Variants in SPTAN1 observed in about 807,000 individuals in gnomAD.
SPTAN1 encodes spectrin alpha chain, non-erythrocytic 1.
In SPTAN1, 61 loss-of-function variants were observed where a neutral mutation model predicts 331.3. That is an observed-to-expected ratio of 0.18 (90% confidence interval 0.15 to 0.23). The LOEUF (loss-of-function observed/expected upper bound fraction) is 0.23. SPTAN1 is among the 10% of genes least tolerant of loss of function. The pLI, the probability that SPTAN1 is intolerant of heterozygous loss-of-function variation, is 1.00. For missense variants in SPTAN1, 2,043 were observed against 3,147.9 expected (o/e 0.65, Z 8.40); for synonymous variants, 1,153 against 1,173.9 (o/e 0.98, Z 0.36).
Position 128,607,948 on chromosome 9 carries a change from G to C in SPTAN1, c.4243G>C (p.Glu1415Gln), listed in dbSNP as rs745697305. Residue 1415 changes from glutamate (E) to glutamine (Q), a missense_variant, in exon 33 of 57, where the codon GAG (glutamate) becomes CAG (glutamine). Around this residue, in one of 12 missense-constraint regions of SPTAN1, gnomAD observed 179 missense variants for 215.7 expected, o/e 0.83. Coordinates refer to ENST00000372739, the MANE Select transcript of SPTAN1 (RefSeq NM_001130438.3). The part of the protein sequence containing the change: ...LLAHGHYASP[E>Q]IKQKLDILDQ... ...GGCTCACGGACACTATGCCAGCCCT[G>C]AGATCAAGCAGAAACTTGATATTCT... The C allele has an allele frequency of 6.8e-6, 11 of 1,613,972 alleles. No homozygotes were observed. In the East Asian group the frequency reaches 1.8e-4, roughly 26 times the overall value.
chr9:128,582,624 T>G, intron 13 of SPTAN1, 68 bp downstream of exon 13: 3 of 1,611,062 alleles, frequency 1.9e-6, no homozygotes, highest in Non-Finnish European at 2.5e-6. Context: ...ATGTTCCAGT[T>G]AAGTCTCTTC....
chr9:128,584,831 A>C lies in SPTAN1; in HGVS notation c.2548A>C (p.Met850Leu), dbSNP rs371776794. ...AGCAGTTACACAGAAGGGGAATGCCATGGTGGAGGAAGGTGAGTGATTGGT... is the reference window on the plus strand; with the variant it reads ...AGCAGTTACACAGAAGGGGAATGCCCTGGTGGAGGAAGGTGAGTGATTGGT... ...IKAVTQKGNAMVEEGHFAAED... is the reference protein window; with the variant it reads ...IKAVTQKGNALVEEGHFAAED... The change falls in exon 18 of 57, where the codon ATG (methionine) becomes CTG (leucine). Residue 850 changes from methionine to leucine, a missense_variant. Around this residue, in one of 12 missense-constraint regions of SPTAN1, gnomAD observed 1,038 missense variants for 1,531.5 expected, o/e 0.68. Coordinates refer to ENST00000372739, the MANE Select transcript of SPTAN1 (RefSeq NM_001130438.3). 3.7e-6 allele frequency: 6 copies of C among 1,614,054 alleles called. No individual in the cohort carries two copies. The African/African-American group carries it at 8.0e-5, about 22-fold the overall frequency.
At chr9:128,581,701 G>A in intron 11 of SPTAN1, 81 bp from the exon 12 acceptor site, 2 of 1,114,382 alleles carry the variant, frequency 1.8e-6, no homozygotes, top group Non-Finnish European at 1.4e-6. Flanking sequence ...TTATATTTTG[G>A]CCAAAATACC....
At chr9:128,602,209 T>G (rs551906043) in intron 27 of SPTAN1, among the ~76,000 whole-genome samples, 147 of 150,946 alleles carry the variant, frequency 9.7e-4, no homozygotes, top group Middle Eastern at 3.4e-3. Flanking sequence ...TTGTTTTTTT[T>G]GGGTTTTTTT....
rs1020109700 is a variant in SPTAN1 at position 128,608,955 on chromosome 9, C to T, written c.4573C>T (p.Arg1525Trp). The T allele has an allele frequency of 4.3e-6, 7 of 1,614,198 alleles. No individual in the cohort carries two copies. The highest frequency in any genetic ancestry group is 2.2e-5 in the South Asian group (2 of 91,088). The change falls in exon 35 of 57, where the codon CGG (arginine) becomes TGG (tryptophan). Residue 1525 changes from arginine to tryptophan, a missense_variant. By Grantham distance (101) the Arg-to-Trp change is moderately radical. Around this residue, in one of 12 missense-constraint regions of SPTAN1, gnomAD observed 40 missense variants for 32.6 expected, o/e 1.23. Coordinates refer to ENST00000372739, the MANE Select transcript of SPTAN1 (RefSeq NM_001130438.3). The part of the protein sequence containing the change: ...GHYAKGDISS[R>W]RNEVLDRWRR... ...TTATGCCAAGGGAGACATTTCTAGCCGGCGCAATGAGGTCTTGGACAGGTG... is the reference window on the plus strand; with the variant it reads ...TTATGCCAAGGGAGACATTTCTAGCTGGCGCAATGAGGTCTTGGACAGGTG...
chr9:128,578,527 G>C (rs2131036199), intron 9 of SPTAN1, among the ~76,000 whole-genome samples: 1 of 152,212 alleles, frequency 6.6e-6, no homozygotes, highest in African/African-American at 2.4e-5. Context: ...TTGATCCTTT[G>C]TGATGTAAAA....
chr9:128,575,067 C>A, intron 4 of SPTAN1, 132 bp from the exon 5 acceptor site: 1 of 1,398,348 alleles, frequency 7.2e-7, no homozygotes, highest in Non-Finnish European at 1.0e-6. Context: ...ACTAAAATCA[C>A]AAACCACAGA....
intron 19 of SPTAN1, among the ~76,000 whole-genome samples, chr9:128,586,296 A>G (rs1401818124): frequency 6.6e-6 from 1 of 151,084 alleles, no homozygotes; most frequent in Non-Finnish European, 1.5e-5. Context: ...ACGCTTTTTA[A>G]TTTTAATTTT....
Position 128,632,133 on chromosome 9 carries a change from C to A in SPTAN1, c.6769C>A (p.His2257Asn). 6.2e-7 allele frequency: 1 copy of A among 1,613,214 alleles called. No individual in the cohort carries two copies. Among genetic ancestry groups the A allele is most frequent in the Non-Finnish European group, 8.5e-7 (1 of 1,179,992 alleles). The change falls in exon 53 of 57, where the codon CAC becomes AAC. Residue 2257 changes from histidine to asparagine, a missense_variant. Physicochemically the swap from His to Asn is moderately conservative, Grantham distance 68 (BLOSUM62 1). Transcript: ENST00000372739. Reference sequence around the variant, plus strand: ...GTGCTCCCCACCCCTGCAGCGCAAGCACCAGGAAATCCGAGCCATGAGAAG... The same window carrying A: ...GTGCTCCCCACCCCTGCAGCGCAAGAACCAGGAAATCCGAGCCATGAGAAG... ...ESQLEATKRK[H>N]QEIRAMRSQL...
chr9:128,615,823 C>T lies in SPTAN1; in HGVS notation c.5340C>T (p.Asp1780=), dbSNP rs549528366. The part of the protein sequence containing the change: ...RLHQFFRDMD[D]EESWIKEKKL... ...ACCAGTTCTTCCGGGACATGGATGA[C>T]GAGGAGTCCTGGATCAAGTATGTCT... The change falls in exon 41 of 57, where the codon GAC becomes GAT. Residue 1780 remains aspartate (D), a synonymous_variant. Coordinates refer to ENST00000372739, the MANE Select transcript of SPTAN1 (RefSeq NM_001130438.3). 1.5e-4 allele frequency: 240 copies of T among 1,614,226 alleles called. 3 individuals carry two copies. The South Asian group carries it at 1.9e-3, about 13-fold the overall frequency.
At chr9:128,628,754 C>T (rs1039014757) in intron 51 of SPTAN1, 8 of 189,170 alleles carry the variant, frequency 4.2e-5, no homozygotes, top group Admixed American at 2.4e-4. Flanking sequence ...CCCATCCAGC[C>T]GGGCCACACA....
rs545233119 is a variant in SPTAN1 at position 128,595,652 on chromosome 9, G to A, written c.3414+1279G>A. On this transcript the variant is annotated intron_variant, in intron 24 of 56. Coordinates refer to ENST00000372739, the MANE Select transcript of SPTAN1 (RefSeq NM_001130438.3). ...TTGTGCAACCACCACCTCTAGTTCC[G>A]AAACATTTGTGTCACTTCAGAAGAA... Among the ~76,000 whole-genome samples the A allele has an allele frequency of 9.2e-5, 14 of 151,970 alleles. No homozygotes were observed. In the East Asian group the frequency reaches 2.1e-3, roughly 23 times the overall value.
chr9:128,621,457 G>A (rs1286764182), intron 45 of SPTAN1, among the ~76,000 whole-genome samples: 1 of 152,148 alleles, frequency 6.6e-6, no homozygotes, highest in African/African-American at 2.4e-5. Flanking sequence ...ATTCTGCAGT[G>A]CTTATTTTTT....
At chr9:128,626,358 C>T (rs745968866) in intron 48 of SPTAN1, 33 bp from the exon 49 acceptor site, 9 of 1,610,782 alleles carry the variant, frequency 5.6e-6, no homozygotes, top group South Asian at 1.1e-5. Flanking sequence ...CCAGCCCTGG[C>T]GACTCCGCCA....
rs1858563256 is a variant in SPTAN1, at chr9:128,625,294, A to G, written c.6069+115A>G. The G allele has an allele frequency of 1.9e-6, 2 of 1,079,158 alleles. No individual in the cohort carries two copies. Among genetic ancestry groups the G allele is most frequent in the African/African-American group, 3.1e-5 (2 of 64,292 alleles). The allele number at this position is 1,079,158 out of a possible 1,614,324, so 66.8% of individuals were successfully genotyped here. On this transcript the variant is annotated intron_variant, in intron 47 of 56. Coordinates refer to ENST00000372739, the MANE Select transcript of SPTAN1 (RefSeq NM_001130438.3). The surrounding 1 kb of genome is among the most constrained non-coding windows in gnomAD (Gnocchi z 4.1). ...TGTTAGCCCCTGGGGATCAGCAGGAAAAAGATCCTGTCCTGGTCCTCAGGG... is the reference window on the plus strand; with the variant it reads ...TGTTAGCCCCTGGGGATCAGCAGGAGAAAGATCCTGTCCTGGTCCTCAGGG...
Position 128,633,514 on chromosome 9 carries a change from T to C in SPTAN1, c.*180T>C. On this transcript the variant is annotated 3_prime_UTR_variant, in exon 57 of 57. Coordinates refer to ENST00000372739, the MANE Select transcript of SPTAN1 (RefSeq NM_001130438.3). ...GGTCCAGTCACAATCATCATGTCAC[T>C]GTGGGGACCCAGATCTGTGTCTTGA... is the stretch of plus-strand genomic sequence containing the variant. 1 of 1,171,234 alleles carries C rather than the reference T, an allele frequency of 8.5e-7. No individual in the cohort carries two copies. The highest frequency in any genetic ancestry group is 1.3e-5 in the South Asian group (1 of 75,790). 72.6% of individuals were successfully genotyped at this position (1,171,234 alleles called of 1,614,324 possible).
chr9:128,582,539 G>A lies in SPTAN1; in HGVS notation c.1633G>A (p.Ala545Thr), dbSNP rs1003067844. ...QNNHYAMEDVATRRDALLSRR... is the reference protein window; with the variant it reads ...QNNHYAMEDVTTRRDALLSRR... ...CAACCACTATGCAATGGAAGATGTG[G>A]CCACTCGCCGAGATGCTGTAAGTTT... The change falls in exon 13 of 57, where the codon GCC becomes ACC. Residue 545 changes from alanine (A) to threonine (T), a missense_variant. By Grantham distance (58) the Ala-to-Thr change is moderately conservative. Coordinates refer to ENST00000372739, the MANE Select transcript of SPTAN1 (RefSeq NM_001130438.3). 6.2e-7 allele frequency: 1 copy of A among 1,613,838 alleles called. No individual in the cohort carries two copies. The highest frequency in any genetic ancestry group is 8.5e-7 in the Non-Finnish European group (1 of 1,180,046).
chr9:128,607,027 T>C (rs1855984653), intron 31 of SPTAN1, among the ~76,000 whole-genome samples: 1 of 152,204 alleles, frequency 6.6e-6, no homozygotes. Context: ...CTTCTGGACA[T>C]GTCATATAAA....
At chr9:128,600,972 G>GTTTT (rs1474161366) in intron 27 of SPTAN1, among the ~76,000 whole-genome samples, 1 of 22,226 alleles carries the variant, frequency 4.5e-5, no homozygotes, top group African/African-American at 9.7e-5. Flanking sequence ...CAGGGAGAAA[G>GTTTT]TCTTTTTTTT....
Sources: allele counts gnomAD v4.1 joint callset (sites outside exome capture counted in the v4.1 genomes callset), GRCh38; gene constraint gnomAD v4.1.1; regional missense constraint gnomAD v4.1.1; non-coding constraint Gnocchi (gnomAD v3.1); transcripts MANE v1.5; gene names NCBI Gene and HGNC (gene_info 2026-07-23, HGNC 2026-07-21).